Variants in ANO6 observed in about 807,000 individuals in gnomAD.
The protein encoded by ANO6 is anoctamin-6.
In ANO6, 106 loss-of-function variants were observed where a neutral mutation model predicts 117.5. The observed-to-expected ratio is 0.90, with a 90% CI of 0.77 to 1.06. The LOEUF (loss-of-function observed/expected upper bound fraction) is 1.06. Ranked by LOEUF, ANO6 falls within the 50% of genes least tolerant of loss-of-function variation. The pLI is 0.00. For missense variants in ANO6, 955 were observed against 1,121.1 expected (o/e 0.85, Z 2.12); for synonymous variants, 367 against 385.1 (o/e 0.95, Z 0.55).
chr12:45,237,307 A>G (rs1413613451), intron 1 of ANO6, among the ~76,000 whole-genome samples: 2 of 152,192 alleles, frequency 1.3e-5, no homozygotes, highest in Non-Finnish European at 2.9e-5. Context: ...GCTGATGCCT[A>G]TGTCCTGAAT....
chr12:45,412,625 C>T (rs1943114895), intron 16 of ANO6, among the ~76,000 whole-genome samples: 1 of 152,180 alleles, frequency 6.6e-6, no homozygotes, highest in African/African-American at 2.4e-5. Flanking sequence ...AGTCTCCTAA[C>T]CTTTGCAGGA....
intron 1 of ANO6, among the ~76,000 whole-genome samples, chr12:45,301,193 G>T (rs902906718): frequency 6.6e-6 from 1 of 152,006 alleles, no homozygotes; most frequent in East Asian, 1.9e-4. Context: ...AATTAGGGTA[G>T]TATGGGTTAA....
At chr12:45,371,154 G>C (rs1266001569) in intron 9 of ANO6, among the ~76,000 whole-genome samples, 2 of 152,198 alleles carry the variant, frequency 1.3e-5, no homozygotes. Flanking sequence ...TTTTCTGACG[G>C]GCTTAAAAAA....
rs1396867438 is a variant in ANO6 at position 45,403,241 on chromosome 12, G to A, written c.1782G>A (p.Glu594=). 9.3e-6 allele frequency: 15 copies of A among 1,613,460 alleles called. No homozygotes were observed. The African/African-American group carries it at 1.2e-4, about 13-fold the overall frequency. The change falls in exon 14 of 20, where the codon GAG becomes GAA. Residue 594 remains glutamate, a splice_region_variant and synonymous_variant. Transcript: ENST00000320560. ...VYWLGKYRNE[E]CDPGGCLLEL... ...GGTTGGGAAAATACAGAAATGAAGA[G>A]GTATGAATATATAATTGTATTATCT...
chr12:45,358,216 C>A (rs566473792), intron 8 of ANO6, among the ~76,000 whole-genome samples: 3 of 152,214 alleles, frequency 2.0e-5, no homozygotes, highest in Non-Finnish European at 4.4e-5. Context: ...ATTTTTCAAG[C>A]CTGAAGCATG....
At chr12:45,275,978 C>G (rs1321172728) in intron 1 of ANO6, among the ~76,000 whole-genome samples, 1 of 152,126 alleles carries the variant, frequency 6.6e-6, no homozygotes, top group Non-Finnish European at 1.5e-5. Flanking sequence ...ACGCCGTACC[C>G]TCCTCCCTCC....
At chr12:45,228,953 G>A (rs1947530743) in intron 1 of ANO6, among the ~76,000 whole-genome samples, 1 of 152,080 alleles carries the variant, frequency 6.6e-6, no homozygotes, top group South Asian at 2.1e-4. Context: ...CAGAACTATG[G>A]TAATGCTGTG....
chr12:45,240,706 G>C (rs1023612676), intron 1 of ANO6, among the ~76,000 whole-genome samples: 2 of 151,920 alleles, frequency 1.3e-5, no homozygotes, highest in African/African-American at 4.8e-5. Flanking sequence ...TCCTTTCTAT[G>C]TTTAGTGCTT....
rs145639439 is a variant in ANO6, at chr12:45,319,902, C to T, written c.151-11393C>T. Among the ~76,000 whole-genome samples, 215 of 152,238 alleles carry T rather than the reference C, an allele frequency of 1.4e-3. 1 individual carries two copies. Among genetic ancestry groups the T allele is most frequent in the African/African-American group, 4.8e-3 (201 of 41,556 alleles). On this transcript the variant is annotated intron_variant, in intron 2 of 19. Coordinates refer to ENST00000320560, the MANE Select transcript of ANO6 (RefSeq NM_001025356.3). The stretch of plus-strand genomic sequence containing the variant: ...TCTTCTAGATTTTCTAGTTTATTGG[C>T]GTAGAAGTGTTTGTAGTATTCTCTG...
rs574281722 is a variant in ANO6 at position 45,273,413 on chromosome 12, C to T, written c.71-28601C>T. 3.9e-5 allele frequency among the ~76,000 whole-genome samples: 6 copies of T among 152,290 alleles called. No homozygotes were observed. The South Asian group carries it at 1.2e-3, about 32-fold the overall frequency. ...TTTGTGATCTGACTCCCAGAAACTACACATTTGATTTGGGGAAGGCAGCCA... is the reference window on the plus strand; with the variant it reads ...TTTGTGATCTGACTCCCAGAAACTATACATTTGATTTGGGGAAGGCAGCCA... On this transcript the variant is annotated intron_variant, in intron 1 of 19. Transcript: ENST00000320560.
intron 12 of ANO6, among the ~76,000 whole-genome samples, chr12:45,393,595 G>GA (rs1242720492): frequency 2.0e-5 from 3 of 152,186 alleles, no homozygotes; most frequent in Non-Finnish European, 2.9e-5. Flanking sequence ...CAGCCAGAGA[G>GA]AAAGGCCGAG....
intron 9 of ANO6, among the ~76,000 whole-genome samples, chr12:45,368,958 A>T (rs1038368208): frequency 6.6e-6 from 1 of 152,224 alleles, no homozygotes; most frequent in Non-Finnish European, 1.5e-5. Flanking sequence ...TAACCTGCCC[A>T]AAGTCACCCG....
intron 10 of ANO6, among the ~76,000 whole-genome samples, chr12:45,380,095 G>C (rs909892250): frequency 6.6e-6 from 1 of 152,084 alleles, no homozygotes; most frequent in African/African-American, 2.4e-5. Flanking sequence ...CTGCTCCCTA[G>C]AAATTATGAA....
intron 19 of ANO6, among the ~76,000 whole-genome samples, chr12:45,427,646 A>C (rs1943535550): frequency 6.6e-6 from 1 of 152,140 alleles, no homozygotes; most frequent in African/African-American, 2.4e-5. Flanking sequence ...TGATAAATTA[A>C]AAAATGAAAA....
intron 1 of ANO6, among the ~76,000 whole-genome samples, chr12:45,301,794 A>G (rs1939497807): frequency 6.6e-6 from 1 of 152,132 alleles, no homozygotes; most frequent in Non-Finnish European, 1.5e-5. Context: ...GAATTTTAAG[A>G]CCTAGTGTTC....
At position 45,348,195 on chromosome 12, in the gene ANO6, C is replaced by T. The variant is rs750310901; in HGVS notation, c.513C>T (p.Asp171=). 2.9e-5 allele frequency: 47 copies of T among 1,613,778 alleles called. No homozygotes were observed. The highest frequency in any genetic ancestry group is 1.6e-4 in the Middle Eastern group (1 of 6,084). The stretch of plus-strand genomic sequence containing the variant: ...GGTTTACCAAAGTCCTCAGTGTAGA[C>T]GAAAGCATCATCAAGCCAGAGCAAG... The part of the protein sequence containing the change: ...LNWFTKVLSV[D]ESIIKPEQEF... Residue 171 remains aspartate (D), a synonymous_variant, in exon 5 of 20, where the codon GAC becomes GAT. Transcript: ENST00000320560.
intron 2 of ANO6, chr12:45,313,526 G>C (rs533445813): frequency 6.6e-6 from 1 of 152,134 alleles, no homozygotes; most frequent in African/African-American, 2.4e-5. Flanking sequence ...GGGCTGCCTA[G>C]GATTGAAATG....
In ANO6 at chr12:45,360,680, G is replaced by A. The variant is rs1300558420; in HGVS notation, c.998+3256G>A. 2.6e-5 allele frequency among the ~76,000 whole-genome samples: 4 copies of A among 152,170 alleles called. 1 individual carries two copies. The East Asian group carries it at 5.8e-4, about 22-fold the overall frequency. On this transcript the variant is annotated intron_variant, in intron 8 of 19. Coordinates refer to ENST00000320560, the MANE Select transcript of ANO6 (RefSeq NM_001025356.3). ...TGGTGTCATGTCTTAGAAACCATTC[G>A]TAATCCAAAGTCATAAAGTTTTTTT...
chr12:45,305,736 G>A (rs1024567956), intron 2 of ANO6, among the ~76,000 whole-genome samples: 4 of 152,122 alleles, frequency 2.6e-5, no homozygotes, highest in African/African-American at 9.7e-5. Flanking sequence ...ATGGGGAGGC[G>A]TCCACATGGT....
Sources: allele counts gnomAD v4.1 joint callset (sites outside exome capture counted in the v4.1 genomes callset), GRCh38; gene constraint gnomAD v4.1.1; transcripts MANE v1.5; gene names NCBI Gene and HGNC (gene_info 2026-07-23, HGNC 2026-07-21).